Variants in SLIT3 observed in about 807,000 individuals in gnomAD.
SLIT3 encodes slit homolog 3 protein.
In SLIT3, 68 loss-of-function variants were observed where a neutral mutation model predicts 184.0. That is an observed-to-expected ratio of 0.37 (90% confidence interval 0.30 to 0.45). The LOEUF (loss-of-function observed/expected upper bound fraction) is 0.45. Among genes scored for constraint, SLIT3 ranks in the 20% least tolerant of loss-of-function variants. The pLI is 1.00. For missense variants in SLIT3, 1,707 were observed against 2,026.0 expected (o/e 0.84, Z 3.02); for synonymous variants, 831 against 828.6 (o/e 1.00, Z -0.05).
chr5:168,962,362 C>G (rs1763045227), intron 4 of SLIT3, among the ~76,000 whole-genome samples: 1 of 151,090 alleles, frequency 6.6e-6, no homozygotes, highest in African/African-American at 2.4e-5. Flanking sequence ...TGGTACCCCA[C>G]ATATCTGTCA....
At chr5:168,961,660 G>A (rs1279766442) in intron 4 of SLIT3, among the ~76,000 whole-genome samples, 1 of 152,184 alleles carries the variant, frequency 6.6e-6, no homozygotes, top group Non-Finnish European at 1.5e-5. Flanking sequence ...AATAGTATGT[G>A]CAAAGGCTCT....
rs140656760 is a variant in SLIT3 at position 168,785,924 on chromosome 5, C to T, written c.1134G>A (p.Leu378=). ...TEIVKGLFDG[L]VSLQLLLLNA... is the part of the protein sequence containing the mutation. Reference sequence around the variant, plus strand: ...CTACTCACAGCAGCTGTAGGGACACCAGCCCATCAAACAGTCCCTTGACAA... The same window carrying T: ...CTACTCACAGCAGCTGTAGGGACACTAGCCCATCAAACAGTCCCTTGACAA... Residue 378 remains leucine (L), a synonymous_variant, in exon 12 of 36, where the codon CTG becomes CTA. Coordinates refer to ENST00000519560, the MANE Select transcript of SLIT3 (RefSeq NM_003062.4). 86 of 1,612,670 alleles carry T rather than the reference C, an allele frequency of 5.3e-5. No homozygotes were observed. Among genetic ancestry groups the T allele is most frequent in the Non-Finnish European group, 6.9e-5 (81 of 1,178,936 alleles).
rs397999882 is a variant in SLIT3 at position 169,002,322 on chromosome 5, C to CAAAAAAAAAAA, written c.414-118997_414-118987dup. Among the ~76,000 whole-genome samples, 49 of 24,200 alleles carry CAAAAAAAAAAA rather than the reference C, an allele frequency of 2.0e-3. 2 individuals carry two copies. Among genetic ancestry groups the CAAAAAAAAAAA allele is most frequent in the Admixed American group, 5.5e-3 (6 of 1,086 alleles). 15.9% of individuals were successfully genotyped at this position (24,200 alleles called of 152,430 possible). ...TGAGCAACAGAACGAGACTCTGTCT[C>CAAAAAAAAAAA]AAAAAAAAAAAAAAAAAAAAAAAAA... On this transcript the variant is annotated intron_variant, in intron 4 of 35. Coordinates refer to ENST00000519560, the MANE Select transcript of SLIT3 (RefSeq NM_003062.4).
Position 168,772,515 on chromosome 5 carries a change from G to A in SLIT3, c.1459+266C>T, listed in dbSNP as rs566060081. On this transcript the variant is annotated intron_variant, in intron 14 of 35. Transcript: ENST00000519560. ...CCTTCTCCTTAGCTCTTGGAGACAC[G>A]CTGCTGCCTGGGTCCTGTCTCCCCT... 5.8e-4 allele frequency: 281 copies of A among 481,142 alleles called. 5 individuals are homozygous for A. In the South Asian group the frequency reaches 6.9e-3, roughly 12 times the overall value. The allele number at this position is 481,142 out of a possible 1,614,324, so 29.8% of individuals were successfully genotyped here. A position where few individuals can be genotyped will look rare whatever the true frequency, so the allele number is the denominator to read the frequency against.
At chr5:168,942,927 C>T (rs978068748) in intron 4 of SLIT3, among the ~76,000 whole-genome samples, 2 of 152,162 alleles carry the variant, frequency 1.3e-5, no homozygotes, top group Non-Finnish European at 2.9e-5. Flanking sequence ...ACAATGCCTG[C>T]AGTGGGCTAG....
chr5:169,271,393 G>A (rs1376152857), intron 1 of SLIT3, among the ~76,000 whole-genome samples: 2 of 152,122 alleles, frequency 1.3e-5, no homozygotes, highest in Non-Finnish European at 2.9e-5. Flanking sequence ...CTTGCTCCTG[G>A]TCCCTCAAAC....
chr5:168,915,444 A>G (rs1761402382), intron 4 of SLIT3, among the ~76,000 whole-genome samples: 1 of 152,112 alleles, frequency 6.6e-6, no homozygotes, highest in South Asian at 2.1e-4. Context: ...CCTCGTACGA[A>G]TTGGTTCGCT....
intron 3 of SLIT3, among the ~76,000 whole-genome samples, chr5:169,236,483 T>G (rs60255064): frequency 0.081 from 10,020 of 124,310 alleles, 496 homozygotes; most frequent in East Asian, 0.2. Flanking sequence ...GTTTTGTTTT[T>G]TTTTTTTTTG....
chr5:168,942,003 T>C (rs1249875649), intron 4 of SLIT3, among the ~76,000 whole-genome samples: 1 of 152,194 alleles, frequency 6.6e-6, no homozygotes, highest in Non-Finnish European at 1.5e-5. Context: ...CACATCTGCA[T>C]CTTTTTCAGT....
At chr5:169,054,538 G>C (rs1018455516) in intron 4 of SLIT3, among the ~76,000 whole-genome samples, 1 of 151,984 alleles carries the variant, frequency 6.6e-6, no homozygotes, top group Non-Finnish European at 1.5e-5. Flanking sequence ...TTTCTCCTCC[G>C]ATACATCCTC....
chr5:168,870,628 T>C (rs1759479730), intron 5 of SLIT3, among the ~76,000 whole-genome samples: 1 of 152,238 alleles, frequency 6.6e-6, no homozygotes, highest in African/African-American at 2.4e-5. Context: ...TCCTTCCTGG[T>C]GGAAGATGGC....
chr5:168,820,280 C>A (rs932765743), intron 7 of SLIT3, among the ~76,000 whole-genome samples: 3 of 152,148 alleles, frequency 2.0e-5, no homozygotes, highest in African/African-American at 7.2e-5. Flanking sequence ...TTCTGTTCAC[C>A]TGGCACCTGC....
intron 20 of SLIT3, among the ~76,000 whole-genome samples, chr5:168,746,173 A>G (rs1329217966): frequency 1.3e-5 from 2 of 152,192 alleles, no homozygotes; most frequent in Non-Finnish European, 2.9e-5. Flanking sequence ...AATATCTCCA[A>G]GGTATGCCTG....
intron 4 of SLIT3, among the ~76,000 whole-genome samples, chr5:169,006,605 T>TCACACA (rs372485234): frequency 1.9e-4 from 27 of 145,794 alleles, no homozygotes; most frequent in East Asian, 6.1e-4. Context: ...TCTCTCTCTC[T>TCACACA]CACACACACA....
intron 4 of SLIT3, among the ~76,000 whole-genome samples, chr5:169,184,204 G>A (rs146488668): frequency 6.4e-4 from 97 of 152,324 alleles, no homozygotes; most frequent in Middle Eastern, 3.4e-3. Flanking sequence ...GCGCTTATAA[G>A]TTCAAAATAC....
rs971787652 is a variant in SLIT3 at position 168,962,638 on chromosome 5, T to A, written c.414-79302A>T. Among the ~76,000 whole-genome samples, 15 of 151,640 alleles carry A rather than the reference T, an allele frequency of 9.9e-5. No individual in the cohort carries two copies. In the South Asian group the frequency reaches 3.1e-3, roughly 32 times the overall value. On this transcript the variant is annotated intron_variant, in intron 4 of 35. Coordinates refer to ENST00000519560, the MANE Select transcript of SLIT3 (RefSeq NM_003062.4). ...AAAGGTCATTATCCATACCCTGGAGTCCCACTGAGGCCCCCCAGGGCAGCC... is the reference window on the plus strand; with the variant it reads ...AAAGGTCATTATCCATACCCTGGAGACCCACTGAGGCCCCCCAGGGCAGCC...
At chr5:169,161,891 G>A (rs1287674923) in intron 4 of SLIT3, among the ~76,000 whole-genome samples, 1 of 152,106 alleles carries the variant, frequency 6.6e-6, no homozygotes, top group Non-Finnish European at 1.5e-5. Context: ...CTGGGCTTCA[G>A]TATCCTTCTC....
At chr5:168,823,394 G>A in intron 6 of SLIT3, 63 bp from the exon 7 acceptor site, 1 of 1,196,526 alleles carries the variant, frequency 8.4e-7, no homozygotes, top group Non-Finnish European at 1.2e-6. Flanking sequence ...CAAGATGCTT[G>A]TAGTAGGTCG....
chr5:168,783,864 G>A (rs1756060167), intron 12 of SLIT3, among the ~76,000 whole-genome samples: 1 of 152,156 alleles, frequency 6.6e-6, no homozygotes, highest in East Asian at 1.9e-4. Context: ...CTCAAGAGAG[G>A]AGAGTTGCTT....
Sources: allele counts gnomAD v4.1 joint callset (sites outside exome capture counted in the v4.1 genomes callset), GRCh38; gene constraint gnomAD v4.1.1; transcripts MANE v1.5; gene names NCBI Gene and HGNC (gene_info 2026-07-23, HGNC 2026-07-21).